The following EZR variants were observed in gnomAD, a reference collection of about 807,000 sequenced individuals.
EZR encodes ezrin, also known as cytovillin 2.
Under a neutral mutation model 74.8 loss-of-function variants are expected in EZR, and 40 were observed. The observed-to-expected ratio is 0.53, with a 90% CI of 0.42 to 0.70. EZR has a LOEUF of 0.70. Ranked by LOEUF, EZR falls within the 30% of genes least tolerant of loss-of-function variation. The pLI is 0.00. For synonymous variants in EZR, 341 were observed against 283.3 expected, an observed-to-expected ratio of 1.20 and a Z score of -2.05; for missense variants, 678 against 755.8, an observed-to-expected ratio of 0.90 and a Z score of 1.21.
intron 2 of EZR, among the ~76,000 whole-genome samples, chr6:158,805,914 T>TAA (rs1460983399): frequency 6.6e-6 from 1 of 152,170 alleles, no homozygotes; most frequent in African/African-American, 2.4e-5. Flanking sequence ...TTAAAATGGC[T>TAA]AAAGCCCTAC....
chr6:158,796,964 G>A (rs1777085088), intron 2 of EZR, among the ~76,000 whole-genome samples: 1 of 152,172 alleles, frequency 6.6e-6, no homozygotes. Flanking sequence ...GTACCAAGTT[G>A]ACAATCAAAT....
At chr6:158,808,746 C>G (rs1482084342) in intron 2 of EZR, among the ~76,000 whole-genome samples, 1 of 152,196 alleles carries the variant, frequency 6.6e-6, no homozygotes, top group Non-Finnish European at 1.5e-5. Flanking sequence ...GTATGTTTAC[C>G]TATTTGCTCG....
rs372229122 is a variant in EZR, at chr6:158,771,352, C to G, written c.851G>C (p.Cys284Ser). 1.5e-5 allele frequency: 24 copies of G among 1,614,040 alleles called. No homozygotes were observed. The highest frequency in any genetic ancestry group is 1.9e-5 in the Non-Finnish European group (23 of 1,179,924). Residue 284 changes from cysteine (C) to serine (S), a missense_variant, in exon 9 of 14, where the codon TGC becomes TCC. Physicochemically the swap from Cys to Ser is moderately radical, Grantham distance 112. Coordinates refer to ENST00000367075, the MANE Select transcript of EZR (RefSeq NM_001111077.2). Reference protein sequence around the residue: ...LRINKRILQLCMGNHELYMRR... With the variant: ...LRINKRILQLSMGNHELYMRR... ...CATATACAACTCATGGTTGCCCATG[C>G]AGAGCTGCAGGATCCGCTTGTTGAT...
intron 2 of EZR, among the ~76,000 whole-genome samples, chr6:158,816,026 A>G (rs1335410844): frequency 1.3e-5 from 2 of 152,252 alleles, no homozygotes; most frequent in African/African-American, 2.4e-5. Flanking sequence ...ACATTGCAAC[A>G]TGGATGAACC....
chr6:158,775,274 C>T (rs941541029), intron 8 of EZR, among the ~76,000 whole-genome samples: 1 of 152,132 alleles, frequency 6.6e-6, no homozygotes, highest in Non-Finnish European at 1.5e-5. Context: ...CCTCGTGATT[C>T]GGCCATCTCA....
rs562828089 is a variant in EZR at position 158,783,161 on chromosome 6, C to T, written c.698+359G>A. Among the ~76,000 whole-genome samples the T allele has an allele frequency of 5.8e-4, 88 of 152,096 alleles. 1 individual carries two copies. The Middle Eastern group carries it at 0.01, about 18-fold the overall frequency. ...TTAGCACAAACCTCGAGCCAGGAGTCGAGCACTGGCTGGGCTGCCTGCGAA... is the reference window on the plus strand; with the variant it reads ...TTAGCACAAACCTCGAGCCAGGAGTTGAGCACTGGCTGGGCTGCCTGCGAA... On this transcript the variant is annotated intron_variant, in intron 7 of 13. Coordinates refer to ENST00000367075, the MANE Select transcript of EZR (RefSeq NM_001111077.2).
At chr6:158,773,026 G>A (rs1480389873) in intron 8 of EZR, among the ~76,000 whole-genome samples, 1 of 152,150 alleles carries the variant, frequency 6.6e-6, no homozygotes. Context: ...GGGTTTCCCA[G>A]GGAGGAGTCT....
At chr6:158,813,850 T>A (rs576306934) in intron 2 of EZR, among the ~76,000 whole-genome samples, 2 of 152,266 alleles carry the variant, frequency 1.3e-5, no homozygotes, top group African/African-American at 4.8e-5. Context: ...AGCTCTATGG[T>A]TCTCATGACA....
chr6:158,804,809 T>C (rs940078797), intron 2 of EZR, among the ~76,000 whole-genome samples: 1 of 151,356 alleles, frequency 6.6e-6, no homozygotes, highest in South Asian at 2.1e-4. Context: ...CATGTGCACA[T>C]TGTGCAGGTT....
rs181358818 is a variant in EZR at position 158,778,989 on chromosome 6, G to C, written c.699-2485C>G. On this transcript the variant is annotated intron_variant, in intron 7 of 13. Coordinates refer to ENST00000367075, the MANE Select transcript of EZR (RefSeq NM_001111077.2). ...TCTCATCAATGGTAGCTAGAACTAG[G>C]ACATCTACATAGTTTAAAATTATCT... 2.0e-5 allele frequency among the ~76,000 whole-genome samples: 3 copies of C among 152,214 alleles called. No homozygotes were observed. The East Asian group carries it at 5.8e-4, about 29-fold the overall frequency.
chr6:158,806,000 C>T (rs1777330994), intron 2 of EZR, among the ~76,000 whole-genome samples: 1 of 152,206 alleles, frequency 6.6e-6, no homozygotes, highest in Non-Finnish European at 1.5e-5. Flanking sequence ...TGACCTGTTC[C>T]CAGTTGGGTC....
chr6:158,782,733 G>A (rs1466080214), intron 7 of EZR, among the ~76,000 whole-genome samples: 1 of 152,228 alleles, frequency 6.6e-6, no homozygotes, highest in African/African-American at 2.4e-5. Context: ...GAGGCAGTCA[G>A]GAGCCTCTCC....
At chr6:158,814,770 T>C (rs193187479) in intron 2 of EZR, among the ~76,000 whole-genome samples, 4 of 152,196 alleles carry the variant, frequency 2.6e-5, no homozygotes, top group Admixed American at 2.0e-4. Flanking sequence ...CTTGATCTCT[T>C]GACCTTGTGA....
At position 158,770,820 on chromosome 6, in the gene EZR, T is replaced by G. The variant is rs761523413; in HGVS notation, c.1034A>C (p.Glu345Ala). ...GTCCTGCAGCCGCAGCATCAACTCC[T>G]CCTTCTCGCGCATCATCTGCTCTTT... is the stretch of plus-strand genomic sequence containing the variant. Reference protein sequence around the residue: ...REKEQMMREKEELMLRLQDYE... With the variant: ...REKEQMMREKAELMLRLQDYE... The change falls in exon 10 of 14, where the codon GAG (glutamate) becomes GCG (alanine). Residue 345 changes from glutamate to alanine, a missense_variant. This residue lies in a region of EZR where 342 missense variants were observed against 341.2 expected (regional missense o/e 1.00). Coordinates refer to ENST00000367075, the MANE Select transcript of EZR (RefSeq NM_001111077.2). 6.2e-7 allele frequency: 1 copy of G among 1,614,246 alleles called. No homozygotes were observed. Among genetic ancestry groups the G allele is most frequent in the Non-Finnish European group, 8.5e-7 (1 of 1,180,036 alleles).
intron 10 of EZR, 121 bp from the exon 11 acceptor site, chr6:158,770,065 T>C (rs1006005263): frequency 1.5e-6 from 2 of 1,310,220 alleles, no homozygotes; most frequent in Middle Eastern, 2.8e-4. Context: ...TGAGGGGATG[T>C]CTTCCAGTGA....
chr6:158,788,190 A>T (rs766985774), intron 3 of EZR: 1 of 152,232 alleles, frequency 6.6e-6, no homozygotes, highest in Non-Finnish European at 1.5e-5. Context: ...GCATTTGCTT[A>T]AAGTAAATCC....
intron 7 of EZR, among the ~76,000 whole-genome samples, chr6:158,777,152 A>G (rs552051557): frequency 2.4e-4 from 36 of 152,344 alleles, no homozygotes; most frequent in African/African-American, 7.9e-4. Context: ...ATTTAGTTCT[A>G]TGAAACCAAC....
At chr6:158,789,819 T>G (rs1791686247) in intron 2 of EZR, among the ~76,000 whole-genome samples, 1 of 152,212 alleles carries the variant, frequency 6.6e-6, no homozygotes, top group African/African-American at 2.4e-5. Flanking sequence ...GGGGTCTCAC[T>G]ATGTTGCCTA....
intron 2 of EZR, among the ~76,000 whole-genome samples, chr6:158,803,606 CATATATATATATATATATACATAT>C (rs1777258585): frequency 5.5e-5 from 2 of 36,046 alleles, no homozygotes; most frequent in Admixed American, 3.8e-4. Flanking sequence ...TATATATATA[CATATATATATATATATATACATAT>C]ACATACATAT....
Sources: allele counts gnomAD v4.1 joint callset (sites outside exome capture counted in the v4.1 genomes callset), GRCh38; gene constraint gnomAD v4.1.1; regional missense constraint gnomAD v4.1.1; transcripts MANE v1.5; gene names NCBI Gene and HGNC (gene_info 2026-07-23, HGNC 2026-07-21).